CST6: variants seen among roughly 807,000 people sequenced by gnomAD.
CST6 encodes cystatin-M.
Under a neutral mutation model 10.7 loss-of-function variants are expected in CST6, and 8 were observed. The observed-to-expected ratio is 0.75, with a 90% CI of 0.44 to 1.34. CST6 has a LOEUF of 1.34. Ranked by LOEUF, CST6 falls within the 40% of genes most tolerant of loss-of-function variation. The pLI, the probability that CST6 is intolerant of heterozygous loss-of-function variation, is 0.01. For missense variants in CST6, 206 were observed against 205.1 expected (o/e 1.00, Z -0.03); for synonymous variants, 100 against 89.3 (o/e 1.12, Z -0.68).
chr11:66,012,663 C>T (rs1291781847), intron 1 of CST6, among the ~76,000 whole-genome samples, 163 bp from the exon 2 acceptor site: 1 of 15,374 alleles, frequency 6.5e-5, no homozygotes, highest in African/African-American at 1.9e-4. Context: ...CCCACCAGAA[C>T]TCCCCCCCCC....
chr11:66,012,275 G>T lies in CST6; in HGVS notation c.231G>T (p.Ala77=). The T allele has an allele frequency of 6.3e-7, 1 of 1,598,730 alleles. No homozygotes were observed. Among genetic ancestry groups the T allele is most frequent in the Admixed American group, 1.7e-5 (1 of 59,464 alleles). ...TCCGAGACACGCACATCATCAAGGC[G>T]CAGAGCCAGGTGCGGCGGGCGGGGT... The part of the protein sequence containing the change: ...YYFRDTHIIK[A]QSQLVAGIKY... Residue 77 remains alanine (A), a synonymous_variant, in exon 1 of 3, where the codon GCG becomes GCT. Transcript: ENST00000312134.
In CST6 at chr11:66,013,408, C is replaced by G; in HGVS notation, c.*8C>G. On this transcript the variant is annotated 3_prime_UTR_variant, in exon 3 of 3. Transcript: ENST00000312134. The stretch of plus-strand genomic sequence containing the variant: ...AACTGTGTGCAGATGTGATAAGTCC[C>G]CGAGGGCGAAGGCCATTGGGTTTGG... 1.2e-6 allele frequency: 2 copies of G among 1,613,556 alleles called. No homozygotes were observed. The highest frequency in any genetic ancestry group is 1.7e-6 in the Non-Finnish European group (2 of 1,179,420).
At position 66,012,949 on chromosome 11, in the gene CST6, G is replaced by A. The variant is rs1336683630; in HGVS notation, c.364G>A (p.Glu122Lys). 2.3e-5 allele frequency: 37 copies of A among 1,613,252 alleles called. No homozygotes were observed. The highest frequency in any genetic ancestry group is 3.1e-5 in the Non-Finnish European group (37 of 1,179,880). Residue 122 changes from glutamate (E) to lysine (K), a missense_variant and splice_region_variant, in exon 2 of 3, where the codon GAG becomes AAG. Physicochemically the swap from Glu to Lys is moderately conservative, Grantham distance 56. Coordinates refer to ENST00000312134, the MANE Select transcript of CST6 (RefSeq NM_001323.4). ...TCPLAAGAQQ[E>K]KLRCDFEVLV... ...CCCCCTGGCAGCAGGGGCGCAGCAGGAGGTAACAGCTGGGCTCCTCCAGCC... is the reference window on the plus strand; with the variant it reads ...CCCCCTGGCAGCAGGGGCGCAGCAGAAGGTAACAGCTGGGCTCCTCCAGCC...
Position 66,013,328 on chromosome 11 carries a change from T to G in CST6, c.378T>G (p.Cys126Trp), listed in dbSNP as rs779098753. 1.3e-4 allele frequency: 208 copies of G among 1,614,050 alleles called. No homozygotes were observed. The highest frequency in any genetic ancestry group is 1.7e-4 in the Non-Finnish European group (205 of 1,179,994). Residue 126 changes from cysteine (C) to tryptophan (W), a missense_variant, in exon 3 of 3, where the codon TGT (cysteine) becomes TGG (tryptophan). Cys to Trp is a radical substitution (Grantham distance 215). Coordinates refer to ENST00000312134, the MANE Select transcript of CST6 (RefSeq NM_001323.4). ...AAGAQQEKLR[C>W]DFEVLVVPWQ... ...TATTCCCTCCACAGAAGCTGCGCTGTGACTTTGAGGTCCTTGTGGTTCCCT... is the reference window on the plus strand; with the variant it reads ...TATTCCCTCCACAGAAGCTGCGCTGGGACTTTGAGGTCCTTGTGGTTCCCT...
chr11:66,012,663 C>CT lies in CST6; in HGVS notation c.241-162dup, dbSNP rs1375356267. Among the ~76,000 whole-genome samples the CT allele has an allele frequency of 1.4e-3, 22 of 15,404 alleles. No individual in the cohort carries two copies. In the East Asian group the frequency reaches 0.062, roughly 44 times the overall value. 10.1% of individuals were successfully genotyped at this position (15,404 alleles called of 152,430 possible). ...TCTCCACCCTCCATCCCCACCAGAA[C>CT]TCCCCCCCCCACCCCCCCCCACCCC... On this transcript the variant is annotated intron_variant, in intron 1 of 2. Coordinates refer to ENST00000312134, the MANE Select transcript of CST6 (RefSeq NM_001323.4).
chr11:66,013,087 C>G (rs752712390), intron 2 of CST6, 136 bp downstream of exon 2: 1 of 1,268,894 alleles, frequency 7.9e-7, no homozygotes, highest in South Asian at 1.3e-5. Context: ...GATGAGTCAG[C>G]CTCTGGGCCA....
At position 66,013,368 on chromosome 11, in the gene CST6, C is replaced by A. The variant is rs1322325417; in HGVS notation, c.418C>A (p.Gln140Lys). 1.9e-6 allele frequency: 3 copies of A among 1,614,194 alleles called. No individual in the cohort carries two copies. The highest frequency in any genetic ancestry group is 2.2e-5 in the South Asian group (2 of 91,082). The change falls in exon 3 of 3, where the codon CAG (glutamine) becomes AAG (lysine). Residue 140 changes from glutamine (Q) to lysine (K), a missense_variant. Gln to Lys is a moderately conservative substitution (Grantham distance 53). Transcript: ENST00000312134. ...TGTGGTTCCCTGGCAGAACTCCTCT[C>A]AGCTCCTAAAGCACAACTGTGTGCA... ...VLVVPWQNSSQLLKHNCVQM is the reference protein window; with the variant it reads ...VLVVPWQNSSKLLKHNCVQM
At chr11:66,012,326 T>C in intron 1 of CST6, 42 bp downstream of exon 1, 1 of 1,546,328 alleles carries the variant, frequency 6.5e-7, no homozygotes, top group Non-Finnish European at 8.8e-7. Flanking sequence ...CCGGCCCAGA[T>C]GGGGGAGGCC....
intron 2 of CST6, 81 bp downstream of exon 2, chr11:66,013,032 GAC>G: frequency 6.5e-7 from 1 of 1,547,808 alleles, no homozygotes; most frequent in African/African-American, 1.4e-5. Context: ...GGTTTGGCTG[GAC>G]ACGTAGATGT....
chr11:66,012,358 A>G (rs1856176517), intron 1 of CST6, 74 bp downstream of exon 1: 3 of 1,474,810 alleles, frequency 2.0e-6, no homozygotes, highest in Non-Finnish European at 1.8e-6. Flanking sequence ...CCCAGCGTGC[A>G]TGAAGGGGGC....
intron 1 of CST6, among the ~76,000 whole-genome samples, 162 bp from the exon 2 acceptor site, chr11:66,012,664 T>TCC (rs1159123566): frequency 3.1e-3 from 45 of 14,488 alleles, no homozygotes; most frequent in Admixed American, 4.3e-3. Flanking sequence ...CCACCAGAAC[T>TCC]CCCCCCCCCA....
Position 66,012,281 on chromosome 11 carries a change from C to T in CST6, c.237C>T (p.Ser79=). 1 of 1,593,746 alleles carries T rather than the reference C, an allele frequency of 6.3e-7. No homozygotes were observed. The highest frequency in any genetic ancestry group is 8.6e-7 in the Non-Finnish European group (1 of 1,166,718). The change falls in exon 1 of 3, where the codon AGC becomes AGT. Residue 79 remains serine, a synonymous_variant. Transcript: ENST00000312134. ...FRDTHIIKAQ[S]QLVAGIKYFL... ...ACACGCACATCATCAAGGCGCAGAG[C>T]CAGGTGCGGCGGGCGGGGTGCTGGG...
Position 66,013,369 on chromosome 11 carries a change from A to T in CST6, c.419A>T (p.Gln140Leu), listed in dbSNP as rs1856190374. ...VLVVPWQNSSQLLKHNCVQM is the reference protein window; with the variant it reads ...VLVVPWQNSSLLLKHNCVQM ...GTGGTTCCCTGGCAGAACTCCTCTC[A>T]GCTCCTAAAGCACAACTGTGTGCAG... Residue 140 changes from glutamine to leucine, a missense_variant, in exon 3 of 3, where the codon CAG becomes CTG. Coordinates refer to ENST00000312134, the MANE Select transcript of CST6 (RefSeq NM_001323.4). 2 of 1,614,152 alleles carry T rather than the reference A, an allele frequency of 1.2e-6. No homozygotes were observed.
At position 66,013,409 on chromosome 11, in the gene CST6, C is replaced by T. The variant is rs766171828; in HGVS notation, c.*9C>T. 2.0e-5 allele frequency: 32 copies of T among 1,613,214 alleles called. No individual in the cohort carries two copies. The highest frequency in any genetic ancestry group is 8.0e-5 in the African/African-American group (6 of 74,904). On this transcript the variant is annotated 3_prime_UTR_variant, in exon 3 of 3. Coordinates refer to ENST00000312134, the MANE Select transcript of CST6 (RefSeq NM_001323.4). ...ACTGTGTGCAGATGTGATAAGTCCCCGAGGGCGAAGGCCATTGGGTTTGGG... is the reference window on the plus strand; with the variant it reads ...ACTGTGTGCAGATGTGATAAGTCCCTGAGGGCGAAGGCCATTGGGTTTGGG...
Position 66,013,324 on chromosome 11 carries a change from G to A in CST6, c.374G>A (p.Arg125His), listed in dbSNP as rs746561607. The change falls in exon 3 of 3, where the codon CGC becomes CAC. Residue 125 changes from arginine (R) to histidine (H), a missense_variant. Physicochemically the swap from Arg to His is conservative, Grantham distance 29. Coordinates refer to ENST00000312134, the MANE Select transcript of CST6 (RefSeq NM_001323.4). ...LAAGAQQEKLRCDFEVLVVPW... is the reference protein window; with the variant it reads ...LAAGAQQEKLHCDFEVLVVPW... ...CCCATATTCCCTCCACAGAAGCTGC[G>A]CTGTGACTTTGAGGTCCTTGTGGTT... is the stretch of plus-strand genomic sequence containing the variant. The A allele has an allele frequency of 7.4e-6, 12 of 1,613,958 alleles. No individual in the cohort carries two copies. The highest frequency in any genetic ancestry group is 4.5e-5 in the East Asian group (2 of 44,894).
At position 66,012,412 on chromosome 11, in the gene CST6, C is replaced by A. The variant is rs377647173; in HGVS notation, c.240+128C>A. On this transcript the variant is annotated intron_variant, in intron 1 of 2. Transcript: ENST00000312134. ...TATTTTCATGCAATATTTTAAAAAT[C>A]GAATTAATGCTAAAACTCCACGATG... 712 of 1,210,336 alleles carry A rather than the reference C, an allele frequency of 5.9e-4. 13 individuals are homozygous for A. The South Asian group carries it at 0.01, about 17-fold the overall frequency. The allele number at this position is 1,210,336 out of a possible 1,614,324, so 75.0% of individuals were successfully genotyped here. A position where few individuals can be genotyped will look rare whatever the true frequency, so the allele number is the denominator to read the frequency against.
chr11:66,012,140 G>T lies in CST6; in HGVS notation c.96G>T (p.Glu32Asp). The T allele has an allele frequency of 1.9e-6, 3 of 1,552,452 alleles. No individual in the cohort carries two copies. The highest frequency in any genetic ancestry group is 2.6e-6 in the Non-Finnish European group (3 of 1,153,144). ...LPRDARARPQERMVGELRDLS... is the reference protein window; with the variant it reads ...LPRDARARPQDRMVGELRDLS... ...GCGACGCCCGGGCCCGGCCGCAGGA[G>T]CGCATGGTCGGAGAACTCCGGGACC... The change falls in exon 1 of 3, where the codon GAG (glutamate) becomes GAT (aspartate). Residue 32 changes from glutamate (E) to aspartate (D), a missense_variant. Transcript: ENST00000312134.
At position 66,013,256 on chromosome 11, in the gene CST6, T is replaced by A. The variant is rs993381128; in HGVS notation, c.367-61T>A. 63 of 1,472,768 alleles carry A rather than the reference T, an allele frequency of 4.3e-5. No homozygotes were observed. In the African/African-American group the frequency reaches 8.5e-4, roughly 20 times the overall value. 91.2% of individuals were successfully genotyped at this position (1,472,768 alleles called of 1,614,324 possible). ...AGCCTGGCAGGCAGAGGGCTGGCTG[T>A]TGGGAGGAGACAGGTCGAGGCTGGG... On this transcript the variant is annotated intron_variant, in intron 2 of 2. Transcript: ENST00000312134.
chr11:66,012,128 C>T lies in CST6; in HGVS notation c.84C>T (p.Ala28=). ...CLLALPRDAR[A]RPQERMVGEL... is the part of the protein sequence containing the mutation. The stretch of plus-strand genomic sequence containing the variant: ...TGGCGCTGCCACGCGACGCCCGGGC[C>T]CGGCCGCAGGAGCGCATGGTCGGAG... The change falls in exon 1 of 3, where the codon GCC becomes GCT. Residue 28 remains alanine, a synonymous_variant. Coordinates refer to ENST00000312134, the MANE Select transcript of CST6 (RefSeq NM_001323.4). 6.5e-7 allele frequency: 1 copy of T among 1,550,132 alleles called. No individual in the cohort carries two copies. Among genetic ancestry groups the T allele is most frequent in the African/African-American group, 1.4e-5 (1 of 73,860 alleles).
Sources: allele counts gnomAD v4.1 joint callset (sites outside exome capture counted in the v4.1 genomes callset), GRCh38; gene constraint gnomAD v4.1.1; transcripts MANE v1.5; gene names NCBI Gene and HGNC (gene_info 2026-07-23, HGNC 2026-07-21).